DIS3L2: variants seen among roughly 807,000 people sequenced by gnomAD.
The protein encoded by DIS3L2 is DIS3 like 3'-5' exoribonuclease 2, also known as DIS3-like exonuclease 2.
Under a neutral mutation model 97.5 loss-of-function variants are expected in DIS3L2, and 34 were observed. The observed-to-expected ratio is 0.35, with a 90% CI of 0.27 to 0.46. The LOEUF (loss-of-function observed/expected upper bound fraction) is 0.46. Among genes scored for constraint, DIS3L2 ranks in the 20% least tolerant of loss-of-function variants. The pLI is 1.00. For synonymous variants in DIS3L2, 435 were observed against 445.2 expected, an observed-to-expected ratio of 0.98 and a Z score of 0.29; for missense variants, 1,038 against 1,146.0, an observed-to-expected ratio of 0.91 and a Z score of 1.36.
At chr2:232,270,204 G>A (rs1448730261) in intron 13 of DIS3L2, among the ~76,000 whole-genome samples, 2 of 152,096 alleles carry the variant, frequency 1.3e-5, no homozygotes, top group Non-Finnish European at 2.9e-5. Context: ...CCTTTAGGAA[G>A]GAAGCTTTAT....
chr2:232,092,412 A>T (rs747479758), intron 6 of DIS3L2, among the ~76,000 whole-genome samples: 17 of 152,038 alleles, frequency 1.1e-4, no homozygotes, highest in Non-Finnish European at 2.4e-4. Context: ...GGTGCTGCAT[A>T]AATTTTAGGA....
intron 8 of DIS3L2, among the ~76,000 whole-genome samples, chr2:232,159,139 T>C (rs976018550): frequency 1.3e-5 from 2 of 152,174 alleles, no homozygotes; most frequent in Non-Finnish European, 1.5e-5. Context: ...AGGAATTTAT[T>C]GGGAGGATAC....
intron 13 of DIS3L2, among the ~76,000 whole-genome samples, chr2:232,284,046 A>G (rs1694364906): frequency 6.6e-6 from 1 of 152,144 alleles, no homozygotes; most frequent in South Asian, 2.1e-4. Context: ...TAATTATCTC[A>G]GAATAAAAAG....
intron 9 of DIS3L2, among the ~76,000 whole-genome samples, chr2:232,183,665 A>G (rs1559712102): frequency 6.6e-6 from 1 of 152,184 alleles, no homozygotes; most frequent in Non-Finnish European, 1.5e-5. Flanking sequence ...GTTTTTGGTC[A>G]GTTCTTGTTG....
At chr2:232,071,138 C>G (rs1315562720) in intron 5 of DIS3L2, among the ~76,000 whole-genome samples, 1 of 152,076 alleles carries the variant, frequency 6.6e-6, no homozygotes, top group Non-Finnish European at 1.5e-5. Context: ...CATAATTCAG[C>G]CATTTTTAAA....
intron 9 of DIS3L2, among the ~76,000 whole-genome samples, chr2:232,195,452 G>A (rs1691727069): frequency 6.6e-6 from 1 of 151,956 alleles, no homozygotes; most frequent in African/African-American, 2.4e-5. Context: ...TGGTGGGCAG[G>A]GGCTAGGGAA....
intron 14 of DIS3L2, among the ~76,000 whole-genome samples, chr2:232,305,107 G>A (rs925427919): frequency 4.6e-5 from 7 of 151,954 alleles, no homozygotes; most frequent in South Asian, 4.1e-4. Context: ...ATGGAGTCTC[G>A]CTCTGTCACC....
At chr2:232,248,689 G>T (rs1693332557) in intron 11 of DIS3L2, among the ~76,000 whole-genome samples, 1 of 152,188 alleles carries the variant, frequency 6.6e-6, no homozygotes, top group Non-Finnish European at 1.5e-5. Flanking sequence ...TGTTTATCTA[G>T]GAAACCTGGA....
intron 9 of DIS3L2, among the ~76,000 whole-genome samples, chr2:232,166,206 C>T (rs1574920196): frequency 6.6e-6 from 1 of 152,190 alleles, no homozygotes; most frequent in East Asian, 1.9e-4. Flanking sequence ...CTGCAGTGAG[C>T]TATAATCATG....
At chr2:232,300,012 C>CT in intron 13 of DIS3L2, 28 bp from the exon 14 acceptor site, 2 of 1,609,616 alleles carry the variant, frequency 1.2e-6, no homozygotes, top group Non-Finnish European at 1.7e-6. Flanking sequence ...CTGCCTAAAA[C>CT]TTCTTTTTCT....
At chr2:232,065,548 A>G (rs1354582367) in intron 5 of DIS3L2, among the ~76,000 whole-genome samples, 6 of 152,020 alleles carry the variant, frequency 3.9e-5, no homozygotes, top group Non-Finnish European at 8.8e-5. Flanking sequence ...TCTAGGCTCT[A>G]TATTCTGTTC....
chr2:231,985,054 A>G (rs1174077281), intron 1 of DIS3L2, among the ~76,000 whole-genome samples: 1 of 152,228 alleles, frequency 6.6e-6, no homozygotes, highest in Non-Finnish European at 1.5e-5. Flanking sequence ...AGGTAACTGC[A>G]CATACCTTAT....
rs17277920 is a variant in DIS3L2, at chr2:232,243,025, C to G, written c.1317+4380C>G. ...GAGGTGGACAGGTAGCAAACACTTGCAATGCATCAGGCTACCTTCAGGTAC... is the reference window on the plus strand; with the variant it reads ...GAGGTGGACAGGTAGCAAACACTTGGAATGCATCAGGCTACCTTCAGGTAC... On this transcript the variant is annotated intron_variant, in intron 11 of 20. Transcript: ENST00000325385. 1.9e-3 allele frequency among the ~76,000 whole-genome samples: 296 copies of G among 152,292 alleles called. 2 individuals are homozygous for G. Among genetic ancestry groups the G allele is most frequent in the Non-Finnish European group, 3.6e-3 (246 of 68,018 alleles).
intron 1 of DIS3L2, among the ~76,000 whole-genome samples, chr2:232,003,417 T>C (rs1693962215): frequency 6.6e-6 from 1 of 152,224 alleles, no homozygotes; most frequent in Non-Finnish European, 1.5e-5. Context: ...AAAATGTCTT[T>C]ATTCTACCCC....
At chr2:232,103,106 A>G (rs1294866678) in intron 6 of DIS3L2, among the ~76,000 whole-genome samples, 2 of 152,192 alleles carry the variant, frequency 1.3e-5, no homozygotes, top group African/African-American at 2.4e-5. Context: ...GTCAAACAGA[A>G]TGACTTTTGT....
intron 1 of DIS3L2, among the ~76,000 whole-genome samples, chr2:232,011,125 C>T (rs895182798): frequency 1.3e-5 from 2 of 152,102 alleles, no homozygotes; most frequent in African/African-American, 4.8e-5. Flanking sequence ...CTAATGTCAG[C>T]CCAGCTCTTA....
At chr2:232,282,015 A>C (rs1266900705) in intron 13 of DIS3L2, among the ~76,000 whole-genome samples, 1 of 151,982 alleles carries the variant, frequency 6.6e-6, no homozygotes, top group Admixed American at 6.6e-5. Flanking sequence ...GAAAGCCTCC[A>C]TCCCCTGACA....
chr2:232,012,575 A>G (rs1159059453), intron 1 of DIS3L2, among the ~76,000 whole-genome samples: 2 of 151,964 alleles, frequency 1.3e-5, no homozygotes, highest in African/African-American at 4.8e-5. Flanking sequence ...CTTAGTCACT[A>G]GTGGTAGCAT....
intron 12 of DIS3L2, chr2:232,260,300 G>T (rs1693680953): frequency 6.6e-6 from 1 of 152,270 alleles, no homozygotes; most frequent in Non-Finnish European, 1.5e-5. Context: ...AGAGGTCATG[G>T]CCCTGTCATT....
Sources: gnomAD v4.1 joint callset for allele counts (sites outside exome capture counted in the v4.1 genomes callset) on GRCh38, gnomAD v4.1.1 for gene constraint, MANE v1.5 for transcripts, NCBI Gene and HGNC (gene_info 2026-07-23, HGNC 2026-07-21) for gene names.